The following CALML4 variants were observed in gnomAD, a reference collection of about 807,000 sequenced individuals.
The protein encoded by CALML4 is calmodulin-like protein 4.
In CALML4, 16 loss-of-function variants were observed where a neutral mutation model predicts 17.9. That is an observed-to-expected ratio of 0.89 (90% CI 0.61 to 1.36). CALML4 has a LOEUF of 1.36. Ranked by LOEUF, CALML4 falls within the 40% of genes most tolerant of loss-of-function variation. The probability of loss-of-function intolerance (pLI) is 0.00; values close to 1 mark genes in which losing one functional copy is unlikely to be tolerated. For missense variants in CALML4, 203 were observed against 194.8 expected (o/e 1.04, Z -0.25); for synonymous variants, 86 against 71.5 (o/e 1.20, Z -1.02).
chr15:68,205,886 G>C (rs1484064727), upstream of CALML4: 1 of 169,618 alleles, frequency 5.9e-6, no homozygotes, highest in African/African-American at 2.4e-5. The surrounding 1 kb of genome is among the most constrained non-coding windows in gnomAD (Gnocchi z 4.8). Flanking sequence ...CTGAATTACA[G>C]GGCAGCTGGC....
intron 2 of CALML4, 83 bp from the exon 3 acceptor site, chr15:68,199,764 C>T (rs2093159253): frequency 4.8e-6 from 7 of 1,453,450 alleles, no homozygotes; most frequent in African/African-American, 1.4e-5. Flanking sequence ...TCTCTTCTCC[C>T]TCTTTTCCCC....
intron 3 of CALML4, among the ~76,000 whole-genome samples, chr15:68,199,031 A>G (rs550077125): frequency 2.0e-5 from 3 of 152,114 alleles, no homozygotes; most frequent in Non-Finnish European, 2.9e-5. Context: ...GCGTGGTGGC[A>G]GGCACCTGTA....
At position 68,191,542 on chromosome 15, in the gene CALML4, C is replaced by T. The variant is rs1203105846; in HGVS notation, c.*2473G>A. The stretch of plus-strand genomic sequence containing the variant: ...AGACAAGTGATAATGGTTTGTGCTT[C>T]CAAAGCACCTTTCATCCAGAGATTT... On this transcript the variant is annotated 3_prime_UTR_variant, in exon 5 of 5. Coordinates refer to ENST00000467889, the MANE Select transcript of CALML4 (RefSeq NM_033429.3). 2 of 152,650 alleles carry T rather than the reference C, an allele frequency of 1.3e-5. No individual in the cohort carries two copies. The highest frequency in any genetic ancestry group is 2.9e-5 in the Non-Finnish European group (2 of 68,038). 9.5% of individuals were successfully genotyped at this position (152,650 alleles called of 1,614,324 possible).
In CALML4 at chr15:68,199,693, C is replaced by T. The variant is rs751645514; in HGVS notation, c.35-12G>A. The T allele has an allele frequency of 6.2e-7, 1 of 1,610,254 alleles. No individual in the cohort carries two copies. The highest frequency in any genetic ancestry group is 8.5e-7 in the Non-Finnish European group (1 of 1,178,168). On this transcript the variant is annotated splice_polypyrimidine_tract_variant and intron_variant, in intron 2 of 4. Coordinates refer to ENST00000467889, the MANE Select transcript of CALML4 (RefSeq NM_033429.3). ...GCATTCCTTGTACTCTGCACACGGC[C>T]CAGAGGGAGGGTCAGCAGCGTCTGG...
chr15:68,193,345 ATG>A lies in CALML4; in HGVS notation c.*668_*669del, dbSNP rs1491309304. On this transcript the variant is annotated 3_prime_UTR_variant, in exon 5 of 5. Coordinates refer to ENST00000467889, the MANE Select transcript of CALML4 (RefSeq NM_033429.3). ...TCAGCTGATGCTGCCTCATTGTAGC[ATG>A]TGTTTTCACTCTAGTGTTTTCACTC... 2.6e-5 allele frequency: 4 copies of A among 152,274 alleles called. No individual in the cohort carries two copies. The highest frequency in any genetic ancestry group is 7.2e-5 in the African/African-American group (3 of 41,444). The allele number at this position is 152,274 out of a possible 1,614,324, so 9.4% of individuals were successfully genotyped here.
At chr15:68,196,819 T>TG (rs2093146450) in intron 4 of CALML4, among the ~76,000 whole-genome samples, 2 of 152,260 alleles carry the variant, frequency 1.3e-5, no homozygotes, top group South Asian at 4.2e-4. Flanking sequence ...CCCTTTCTCG[T>TG]GGGGCTCTGG....
At chr15:68,194,950 G>A (rs1179348201) in intron 4 of CALML4, among the ~76,000 whole-genome samples, 3 of 142,554 alleles carry the variant, frequency 2.1e-5, no homozygotes, top group East Asian at 2.0e-4. Flanking sequence ...AAAAAAAAAT[G>A]TTTGGGGGAT....
In CALML4 at chr15:68,204,716, C is replaced by T. The variant is rs934638412; in HGVS notation, c.34+405G>A. ...GGGAGACTGAGGCGCAGAGAGTAGA[C>T]GCATCCTGCCAGAGAGTGCAGACCT... is the stretch of plus-strand genomic sequence containing the variant. On this transcript the variant is annotated intron_variant, in intron 2 of 4. Coordinates refer to ENST00000467889, the MANE Select transcript of CALML4 (RefSeq NM_033429.3). The surrounding 1 kb of genome is among the most constrained non-coding windows in gnomAD (Gnocchi z 6.0). Among the ~76,000 whole-genome samples the T allele has an allele frequency of 7.2e-5, 11 of 152,220 alleles. No individual in the cohort carries two copies. Among genetic ancestry groups the T allele is most frequent in the East Asian group, 5.8e-4 (3 of 5,176 alleles).
At position 68,205,031 on chromosome 15, in the gene CALML4, C is replaced by T; in HGVS notation, c.34+90G>A. ...GGCCCAGCTCTCCCACAGCCACCTT[C>T]CTTCCCACCAAGAAAACATGAGCAG... On this transcript the variant is annotated intron_variant, in intron 2 of 4. Transcript: ENST00000467889. This position sits in a 1 kb window ranked among gnomAD's most constrained non-coding sequence, Gnocchi z 4.8. 6.7e-7 allele frequency: 1 copy of T among 1,498,438 alleles called. No homozygotes were observed. Among genetic ancestry groups the T allele is most frequent in the Non-Finnish European group, 9.3e-7 (1 of 1,080,628 alleles). 92.8% of individuals were successfully genotyped at this position (1,498,438 alleles called of 1,614,324 possible).
At chr15:68,205,334 C>A, upstream of CALML4, 1 of 1,614,106 alleles carries the variant, frequency 6.2e-7, no homozygotes, top group Non-Finnish European at 8.5e-7. This position sits in a 1 kb window ranked among gnomAD's most constrained non-coding sequence, Gnocchi z 4.8. Context: ...CTAAAGTCTG[C>A]CAAGCTGGGT....
rs375583996 is a variant in CALML4 at position 68,199,535 on chromosome 15, A to G, written c.175+6T>C. The G allele has an allele frequency of 9.9e-6, 16 of 1,608,586 alleles. No homozygotes were observed. Among genetic ancestry groups the G allele is most frequent in the African/African-American group, 6.7e-5 (5 of 74,188 alleles). On this transcript the variant is annotated splice_donor_region_variant and intron_variant, in intron 3 of 4. Transcript: ENST00000467889. ...CCCTCTCCCCGTTGTTCCCACCACC[A>G]CTCACCTATCCCGTGGGTCTGCAGG...
In CALML4 at chr15:68,200,903, G is replaced by A. The variant is rs2093163539; in HGVS notation, c.35-1222C>T. Among the ~76,000 whole-genome samples the A allele has an allele frequency of 6.6e-6, 1 of 152,184 alleles. No individual in the cohort carries two copies. Among genetic ancestry groups the A allele is most frequent in the Non-Finnish European group, 1.5e-5 (1 of 68,030 alleles). On this transcript the variant is annotated intron_variant, in intron 2 of 4. Transcript: ENST00000467889. The surrounding 1 kb of genome is among the most constrained non-coding windows in gnomAD (Gnocchi z 4.3). ...TTCCCATGTGCGGACAGGACATTGA[G>A]GGCTGGAACACTGAGAGCCTGGCTG...
At chr15:68,195,690 G>C (rs551244108) in intron 4 of CALML4, among the ~76,000 whole-genome samples, 1 of 152,218 alleles carries the variant, frequency 6.6e-6, no homozygotes, top group East Asian at 1.9e-4. Context: ...ATTGTCTTTC[G>C]ATCACCCAGA....
At position 68,197,111 on chromosome 15, in the gene CALML4, T is replaced by C. The variant is rs907767322; in HGVS notation, c.364+329A>G. On this transcript the variant is annotated intron_variant, in intron 4 of 4. Transcript: ENST00000467889. The surrounding 1 kb of genome is among the most constrained non-coding windows in gnomAD (Gnocchi z 4.1). ...GGCATTTGTGCTCCCAGGGGTGTCA[T>C]GCACTAGATGAAGCCCCACAGTGAG... Among the ~76,000 whole-genome samples, 5 of 150,650 alleles carry C rather than the reference T, an allele frequency of 3.3e-5. No individual in the cohort carries two copies. The highest frequency in any genetic ancestry group is 1.3e-4 in the Admixed American group (2 of 15,044).
rs958302582 is a variant in CALML4, at chr15:68,200,867, G to A, written c.35-1186C>T. Among the ~76,000 whole-genome samples, 2 of 151,976 alleles carry A rather than the reference G, an allele frequency of 1.3e-5. No homozygotes were observed. The highest frequency in any genetic ancestry group is 2.9e-5 in the Non-Finnish European group (2 of 67,984). On this transcript the variant is annotated intron_variant, in intron 2 of 4. Coordinates refer to ENST00000467889, the MANE Select transcript of CALML4 (RefSeq NM_033429.3). The surrounding 1 kb of genome is among the most constrained non-coding windows in gnomAD (Gnocchi z 4.3). ...CTTCATCCCCACAACCCTGTGATGC[G>A]CCCCCTCATATTCCCATGTGCGGAC...
intron 2 of CALML4, among the ~76,000 whole-genome samples, chr15:68,202,078 T>C (rs2093167028): frequency 2.0e-5 from 3 of 152,238 alleles, no homozygotes; most frequent in African/African-American, 7.2e-5. Flanking sequence ...AAAGGATTAA[T>C]TGGGTTAAAT....
intron 4 of CALML4, among the ~76,000 whole-genome samples, chr15:68,196,173 C>T (rs1027630216): frequency 2.0e-5 from 3 of 152,206 alleles, no homozygotes; most frequent in Non-Finnish European, 2.9e-5. Flanking sequence ...CTCAGCCTCC[C>T]GAGTAGCTGG....
rs2093128139 is a variant in CALML4 at position 68,193,182 on chromosome 15, TAACAGAGCCCAG to T, written c.*821_*832del. 1 of 152,380 alleles carries T rather than the reference TAACAGAGCCCAG, an allele frequency of 6.6e-6. No homozygotes were observed. Among genetic ancestry groups the T allele is most frequent in the Admixed American group, 6.5e-5 (1 of 15,290 alleles). The allele number at this position is 152,380 out of a possible 1,614,324, so 9.4% of individuals were successfully genotyped here. ...ACCATCCCGGAACCTCTCTGCCTGT[TAACAGAGCCCAG>T]GGAACAGCTCGGAATTCTCACAGCA... On this transcript the variant is annotated 3_prime_UTR_variant, in exon 5 of 5. Coordinates refer to ENST00000467889, the MANE Select transcript of CALML4 (RefSeq NM_033429.3).
chr15:68,194,167 CAG>C (rs762010039), intron 4 of CALML4, 55 bp from the exon 5 acceptor site: 77 of 1,462,798 alleles, frequency 5.3e-5, no homozygotes, highest in Non-Finnish European at 6.2e-5. Flanking sequence ...CATTATAAAA[CAG>C]TGAGTTTTTT....
Sources: allele counts gnomAD v4.1 joint callset (sites outside exome capture counted in the v4.1 genomes callset), GRCh38; gene constraint gnomAD v4.1.1; non-coding constraint Gnocchi (gnomAD v3.1); transcripts MANE v1.5; gene names NCBI Gene and HGNC (gene_info 2026-07-23, HGNC 2026-07-21).